Variants in LOXL2 observed in about 807,000 individuals in gnomAD.
LOXL2 encodes lysyl oxidase homolog 2.
In LOXL2, 70 loss-of-function variants were observed where a neutral mutation model predicts 93.0. The ratio of observed to expected loss-of-function variants is 0.75; its 90% CI spans 0.62 to 0.92. The LOEUF (loss-of-function observed/expected upper bound fraction) is 0.92. Ranked by LOEUF, LOXL2 falls within the 40% of genes least tolerant of loss-of-function variation. LOXL2 has a pLI of 0.00. For synonymous variants in LOXL2, 438 were observed against 413.2 expected (o/e 1.06, Z -0.73); for missense variants, 973 against 1,054.9 (o/e 0.92, Z 1.08).
At chr8:23,349,872 A>G (rs1804061590) in intron 3 of LOXL2, among the ~76,000 whole-genome samples, 1 of 152,082 alleles carries the variant, frequency 6.6e-6, no homozygotes, top group Non-Finnish European at 1.5e-5. Context: ...TCAAAATCCA[A>G]CAACAGGAGT....
chr8:23,328,737 GT>G (rs1372704819), intron 5 of LOXL2, 172 bp from the exon 6 acceptor site: 1 of 634,632 alleles, frequency 1.6e-6, no homozygotes, highest in East Asian at 2.8e-5. Context: ...GTGTGTGTGT[GT>G]GTGTGTGTCG....
intron 1 of LOXL2, among the ~76,000 whole-genome samples, chr8:23,392,114 A>G (rs537452997): frequency 6.6e-6 from 1 of 152,354 alleles, no homozygotes; most frequent in South Asian, 2.1e-4. Context: ...TCAATCCTTT[A>G]GGCCTGTGCT....
Position 23,335,035 on chromosome 8 carries a change from G to A in LOXL2, c.744-1412C>T, listed in dbSNP as rs570762014. Among the ~76,000 whole-genome samples the A allele has an allele frequency of 3.3e-5, 5 of 152,008 alleles. 1 individual carries two copies. The highest frequency in any genetic ancestry group is 1.3e-4 in the Admixed American group (2 of 15,256). ...TTCACCGTGTTGCCAGGCTGCTCTC[G>A]AACTCCTGACCTCAGGTAATCTGCC... On this transcript the variant is annotated intron_variant, in intron 4 of 13. Coordinates refer to ENST00000389131, the MANE Select transcript of LOXL2 (RefSeq NM_002318.3).
rs1371520087 is a variant in LOXL2 at position 23,341,188 on chromosome 8, C to T, written c.547G>A (p.Val183Met). The T allele has an allele frequency of 6.2e-7, 1 of 1,613,134 alleles. No individual in the cohort carries two copies. Among genetic ancestry groups the T allele is most frequent in the East Asian group, 2.2e-5 (1 of 44,860 alleles). ...ATGGCTCGAATCCGAATGTCCTCCA[C>T]CTGGATATTCAGGTTCTGGGAAGAA... ...INQIENLNIQ[V>M]EDIRIRAILS... Residue 183 changes from valine to methionine, a missense_variant, in exon 4 of 14, where the codon GTG becomes ATG. Transcript: ENST00000389131.
At chr8:23,307,841 T>G (rs992639372) in intron 10 of LOXL2, among the ~76,000 whole-genome samples, 2 of 144,902 alleles carry the variant, frequency 1.4e-5, no homozygotes, top group African/African-American at 5.0e-5. Flanking sequence ...TATTCAATTG[T>G]TTGAATGGAA....
rs758041304 is a variant in LOXL2 at position 23,385,980 on chromosome 8, T to G, written c.-83-17546A>C. ...TTTGGTGGCCCCATATGGTGGTGGC[T>G]GCCATACTGCACAACACAGCTTTGG... is the stretch of plus-strand genomic sequence containing the variant. On this transcript the variant is annotated intron_variant, in intron 1 of 13. Transcript: ENST00000389131. The G allele has an allele frequency of 2.1e-5, 16 of 765,320 alleles. No homozygotes were observed. The African/African-American group carries it at 2.4e-4, about 11-fold the overall frequency. 47.4% of individuals were successfully genotyped at this position (765,320 alleles called of 1,614,324 possible). A position where few individuals can be genotyped will look rare whatever the true frequency, so the allele number is the denominator to read the frequency against.
Position 23,297,854 on chromosome 8 carries a change from TAG to T in LOXL2, c.*187_*188del. The T allele has an allele frequency of 1.8e-6, 1 of 562,638 alleles. No homozygotes were observed. The highest frequency in any genetic ancestry group is 3.2e-6 in the Non-Finnish European group (1 of 316,174). 34.9% of individuals were successfully genotyped at this position (562,638 alleles called of 1,614,324 possible). Reference sequence around the variant, plus strand: ...GCCTTCTCAGGCCCCAAGGGTCAGGTAGCAGCCCCCCATGAATGATGGGAGGG... The same window carrying T: ...GCCTTCTCAGGCCCCAAGGGTCAGGTCAGCCCCCCATGAATGATGGGAGGG... On this transcript the variant is annotated 3_prime_UTR_variant, in exon 14 of 14. Transcript: ENST00000389131.
intron 3 of LOXL2, among the ~76,000 whole-genome samples, chr8:23,346,142 TAAATAAAATAAAATAA>T (rs1803974174): frequency 2.7e-5 from 3 of 112,558 alleles, no homozygotes; most frequent in Non-Finnish European, 1.9e-5. Flanking sequence ...TAAAATAAAA[TAAATAAAATAAAATAA>T]AAAATAAAAT....
intron 1 of LOXL2, among the ~76,000 whole-genome samples, chr8:23,377,180 C>T (rs541443169): frequency 1.3e-5 from 2 of 152,196 alleles, no homozygotes; most frequent in South Asian, 4.2e-4. Flanking sequence ...TTTATTTCTG[C>T]CTTCATTTTG....
chr8:23,352,957 T>G (rs1166574525), intron 3 of LOXL2, among the ~76,000 whole-genome samples: 2 of 148,102 alleles, frequency 1.4e-5, no homozygotes, highest in East Asian at 4.0e-4. Context: ...GGAATTGCTT[T>G]TTGCAAAAGA....
At chr8:23,321,941 G>T in intron 7 of LOXL2, 189 bp downstream of exon 7, 2 of 614,648 alleles carry the variant, frequency 3.3e-6, no homozygotes, top group Non-Finnish European at 5.7e-6. Context: ...ACAGGGGCTT[G>T]GGCCTGCTGC....
At chr8:23,374,169 A>C (rs1478956273) in intron 1 of LOXL2, among the ~76,000 whole-genome samples, 1 of 130,902 alleles carries the variant, frequency 7.6e-6, no homozygotes, top group Non-Finnish European at 1.5e-5. Context: ...CTCATTGTTC[A>C]ATTCCCACCT....
chr8:23,343,882 G>T (rs979518354), intron 3 of LOXL2, among the ~76,000 whole-genome samples: 2 of 152,210 alleles, frequency 1.3e-5, no homozygotes, highest in African/African-American at 4.8e-5. Context: ...TCCCACCTCG[G>T]GAGGCTGGGC....
intron 8 of LOXL2, 73 bp downstream of exon 8, chr8:23,319,812 G>T (rs766077045): frequency 3.3e-6 from 5 of 1,498,410 alleles, no homozygotes; most frequent in East Asian, 2.3e-5. Flanking sequence ...CGTGGGAGAG[G>T]GGGGCTGACT....
chr8:23,308,486 C>T (rs1182437045), intron 10 of LOXL2, among the ~76,000 whole-genome samples: 1 of 152,184 alleles, frequency 6.6e-6, no homozygotes, highest in East Asian at 1.9e-4. Context: ...TGTAGCCCCT[C>T]GGGGGCTTCC....
chr8:23,313,784 T>A (rs1314730204), intron 9 of LOXL2, among the ~76,000 whole-genome samples: 6 of 151,594 alleles, frequency 4.0e-5, no homozygotes, highest in Non-Finnish European at 5.9e-5. Context: ...AACAAAAGCC[T>A]AAATTGACAA....
intron 3 of LOXL2, among the ~76,000 whole-genome samples, chr8:23,355,242 G>T (rs961911008): frequency 1.3e-5 from 2 of 151,938 alleles, no homozygotes; most frequent in African/African-American, 4.8e-5. Context: ...ACCGCATCCG[G>T]CCGGGAGTTG....
chr8:23,348,262 G>T (rs1198112272), intron 3 of LOXL2, among the ~76,000 whole-genome samples: 2 of 134,054 alleles, frequency 1.5e-5, no homozygotes, highest in Non-Finnish European at 3.2e-5. Flanking sequence ...GTCGTGGGGT[G>T]GGGGGAGGGG....
At chr8:23,385,933 T>C in intron 1 of LOXL2, 1 of 765,282 alleles carries the variant, frequency 1.3e-6, no homozygotes, top group South Asian at 1.3e-5. Flanking sequence ...GCATCTCAAT[T>C]CCAAGCAGCA....
Sources: gnomAD v4.1 joint callset for allele counts (sites outside exome capture counted in the v4.1 genomes callset) on GRCh38, gnomAD v4.1.1 for gene constraint, MANE v1.5 for transcripts, NCBI Gene and HGNC (gene_info 2026-07-23, HGNC 2026-07-21) for gene names.